Variants in ALG14 observed in about 807,000 individuals in gnomAD.
ALG14 encodes ALG14 UDP-N-acetylglucosaminyltransferase subunit, also known as UDP-N-acetylglucosamine transferase subunit ALG14.
In ALG14, 17 loss-of-function variants were observed where a neutral mutation model predicts 22.8. That is an observed-to-expected ratio of 0.75 (90% CI 0.51 to 1.12). The LOEUF (loss-of-function observed/expected upper bound fraction) is 1.12. ALG14 is among the 50% of genes most tolerant of loss of function. The probability of loss-of-function intolerance (pLI) is 0.00; values close to 1 mark genes in which losing one functional copy is unlikely to be tolerated. For missense variants in ALG14, 288 were observed against 271.8 expected (o/e 1.06, Z -0.42); for synonymous variants, 89 against 103.7 (o/e 0.86, Z 0.86).
At chr1:95,066,255 C>T (rs1311724863) in intron 1 of ALG14, among the ~76,000 whole-genome samples, 1 of 152,082 alleles carries the variant, frequency 6.6e-6, no homozygotes, top group Non-Finnish European at 1.5e-5. Context: ...TGGAGTTTCA[C>T]GCTTGTTGCC....
Position 95,064,857 on chromosome 1 carries a change from G to A in ALG14, c.288+9C>T. The A allele has an allele frequency of 1.2e-6, 2 of 1,601,904 alleles. No individual in the cohort carries two copies. The highest frequency in any genetic ancestry group is 1.1e-5 in the South Asian group (1 of 89,866). On this transcript the variant is annotated intron_variant, in intron 2 of 3. Transcript: ENST00000370205. ...TGTAATTTTCTTAGAAATAGAAATTGTCACTTACCATGTTACTAGGGTCTC... is the reference window on the plus strand; with the variant it reads ...TGTAATTTTCTTAGAAATAGAAATTATCACTTACCATGTTACTAGGGTCTC...
chr1:95,072,750 C>G lies in ALG14; in HGVS notation c.136+13G>C. On this transcript the variant is annotated intron_variant, in intron 1 of 3. Transcript: ENST00000370205. The stretch of plus-strand genomic sequence containing the variant: ...ACCAACCCAAGTCCGACAGTCGCCT[C>G]CTCGATACTTACCGGACCCAGCCAC... 2 of 1,613,962 alleles carry G rather than the reference C, an allele frequency of 1.2e-6. No homozygotes were observed. The highest frequency in any genetic ancestry group is 2.7e-5 in the African/African-American group (2 of 74,978).
chr1:95,042,092 G>C (rs1485821233), intron 2 of ALG14, among the ~76,000 whole-genome samples: 1 of 152,056 alleles, frequency 6.6e-6, no homozygotes, highest in East Asian at 1.9e-4. Context: ...ACTGGGGCTT[G>C]TATCTCTTCT....
At position 95,049,462 on chromosome 1, in the gene ALG14, G is replaced by C. The variant is rs1163014909; in HGVS notation, c.288+15404C>G. On this transcript the variant is annotated intron_variant, in intron 2 of 3. Transcript: ENST00000370205. Reference sequence around the variant, plus strand: ...AGGTGGGAGAATTGCTTGAGCTTAGGAGCCAGAGGTTGCAGTGAGTCGAGA... The same window carrying C: ...AGGTGGGAGAATTGCTTGAGCTTAGCAGCCAGAGGTTGCAGTGAGTCGAGA... Among the ~76,000 whole-genome samples the C allele has an allele frequency of 4.6e-5, 7 of 152,082 alleles. No homozygotes were observed. The South Asian group carries it at 8.3e-4, about 18-fold the overall frequency.
chr1:95,032,834 G>C (rs542746769), intron 2 of ALG14, among the ~76,000 whole-genome samples: 1 of 152,276 alleles, frequency 6.6e-6, no homozygotes, highest in East Asian at 1.9e-4. Context: ...TCATTTAAAG[G>C]AAACACTGAG....
In ALG14 at chr1:94,983,024, G is replaced by T; in HGVS notation, c.*52C>A. On this transcript the variant is annotated 3_prime_UTR_variant, in exon 4 of 4. Transcript: ENST00000370205. Reference sequence around the variant, plus strand: ...TGTAGGGTTTTTTTCCCCCCAATTTGAGTACATACTACTGTTAACTGCAAA... The same window carrying T: ...TGTAGGGTTTTTTTCCCCCCAATTTTAGTACATACTACTGTTAACTGCAAA... 1 of 1,494,522 alleles carries T rather than the reference G, an allele frequency of 6.7e-7. No individual in the cohort carries two copies. Among genetic ancestry groups the T allele is most frequent in the Non-Finnish European group, 9.3e-7 (1 of 1,075,512 alleles). The allele number at this position is 1,494,522 out of a possible 1,614,324, so 92.6% of individuals were successfully genotyped here.
intron 2 of ALG14, among the ~76,000 whole-genome samples, chr1:95,028,277 T>C (rs1337203534): frequency 6.6e-6 from 1 of 152,076 alleles, no homozygotes; most frequent in Admixed American, 6.5e-5. Context: ...GACTCCCAAG[T>C]AGCTGGAACC....
intron 3 of ALG14, chr1:94,983,580 A>G (rs1025259149): frequency 1.2e-5 from 5 of 425,656 alleles, no homozygotes; most frequent in Non-Finnish European, 2.1e-5. Flanking sequence ...CCTGGTGCTC[A>G]GTCAGCACTC....
At chr1:94,990,524 G>T (rs1274986998) in intron 3 of ALG14, among the ~76,000 whole-genome samples, 1 of 152,184 alleles carries the variant, frequency 6.6e-6, no homozygotes, top group Non-Finnish European at 1.5e-5. Context: ...AATTTTCAGA[G>T]ATGTCATCAT....
Position 95,056,829 on chromosome 1 carries a change from C to T in ALG14, c.288+8037G>A, listed in dbSNP as rs183484469. On this transcript the variant is annotated intron_variant, in intron 2 of 3. Coordinates refer to ENST00000370205, the MANE Select transcript of ALG14 (RefSeq NM_144988.4). The stretch of plus-strand genomic sequence containing the variant: ...ATCCCAGCACTTTGGGAGGCCAAGG[C>T]GGGCGGATCACGTGGTCAGGAGTTC... Among the ~76,000 whole-genome samples the T allele has an allele frequency of 5.9e-5, 9 of 151,644 alleles. No individual in the cohort carries two copies. The East Asian group carries it at 6.1e-4, about 10-fold the overall frequency.
At chr1:94,991,235 G>C (rs925441673) in intron 3 of ALG14, among the ~76,000 whole-genome samples, 1 of 152,202 alleles carries the variant, frequency 6.6e-6, no homozygotes. Flanking sequence ...CCAGTGAGTA[G>C]GCAGAAAATA....
rs558669851 is a variant in ALG14 at position 95,033,938 on chromosome 1, C to T, written c.289-6678G>A. Among the ~76,000 whole-genome samples, 20 of 152,316 alleles carry T rather than the reference C, an allele frequency of 1.3e-4. No homozygotes were observed. The South Asian group carries it at 3.9e-3, about 30-fold the overall frequency. On this transcript the variant is annotated intron_variant, in intron 2 of 3. Transcript: ENST00000370205. ...TCTCCTGCTTAAAATCCCACAAAGG[C>T]TTTCCACTGCACCAAGTCCAAATGC...
intron 2 of ALG14, among the ~76,000 whole-genome samples, chr1:95,032,174 TAA>T (rs370935850): frequency 7.0e-6 from 1 of 141,964 alleles, no homozygotes; most frequent in African/African-American, 2.6e-5. Flanking sequence ...TAGTTTGTAG[TAA>T]AAAAAAAAAA....
rs189903595 is a variant in ALG14 at position 95,058,131 on chromosome 1, C to A, written c.288+6735G>T. 6.0e-3 allele frequency among the ~76,000 whole-genome samples: 911 copies of A among 150,584 alleles called. 11 individuals are homozygous for A. The highest frequency in any genetic ancestry group is 0.018 in the African/African-American group (731 of 41,122). On this transcript the variant is annotated intron_variant, in intron 2 of 3. Coordinates refer to ENST00000370205, the MANE Select transcript of ALG14 (RefSeq NM_144988.4). ...TGAAAACCCGCCTCTACTAAAAATACAAAAATTAGCTGGGCATGGTGGCAC... is the reference window on the plus strand; with the variant it reads ...TGAAAACCCGCCTCTACTAAAAATAAAAAAATTAGCTGGGCATGGTGGCAC...
chr1:95,023,256 T>C (rs1673716558), intron 3 of ALG14, among the ~76,000 whole-genome samples: 2 of 152,182 alleles, frequency 1.3e-5, no homozygotes, highest in Non-Finnish European at 2.9e-5. Flanking sequence ...CCTGAGTAGC[T>C]GGGATTACAG....
chr1:95,042,547 A>C (rs2100799548), intron 2 of ALG14, among the ~76,000 whole-genome samples: 1 of 152,256 alleles, frequency 6.6e-6, no homozygotes, highest in East Asian at 1.9e-4. Context: ...TCCTGGACTG[A>C]GGCCCAGATC....
intron 2 of ALG14, among the ~76,000 whole-genome samples, chr1:95,059,981 A>G (rs754917480): frequency 3.3e-5 from 5 of 151,954 alleles, no homozygotes; most frequent in Non-Finnish European, 7.3e-5. Context: ...GGTGAGCTCC[A>G]TGGAAGGTAC....
intron 3 of ALG14, among the ~76,000 whole-genome samples, chr1:95,010,341 A>G (rs560939976): frequency 1.3e-5 from 2 of 152,320 alleles, no homozygotes; most frequent in African/African-American, 4.8e-5. Flanking sequence ...AGTACATCCA[A>G]TGGACATCCC....
intron 1 of ALG14, among the ~76,000 whole-genome samples, chr1:95,070,109 A>G (rs1313418306): frequency 1.3e-5 from 2 of 152,148 alleles, no homozygotes; most frequent in East Asian, 3.9e-4. Context: ...TAAGACCCCC[A>G]TTCCAGAGAG....
Sources: gnomAD v4.1 joint callset for allele counts (sites outside exome capture counted in the v4.1 genomes callset) on GRCh38, gnomAD v4.1.1 for gene constraint, MANE v1.5 for transcripts, NCBI Gene and HGNC (gene_info 2026-07-23, HGNC 2026-07-21) for gene names.